Variants in MALRD1 observed in about 807,000 individuals in gnomAD.
The protein encoded by MALRD1 is MAM and LDL-receptor class A domain-containing protein 1.
A neutral mutation model predicts 242.1 loss-of-function variants in MALRD1; 247 were observed. The ratio of observed to expected loss-of-function variants is 1.02; its 90% confidence interval spans 0.92 to 1.13. The LOEUF is 1.13. MALRD1 is among the 50% of genes most tolerant of loss of function. The pLI, the probability that MALRD1 is intolerant of heterozygous loss-of-function variation, is 0.00. For missense variants in MALRD1, 2,989 were observed against 2,533.1 expected, an observed-to-expected ratio of 1.18 and a Z score of -3.86; for synonymous variants, 995 against 866.6, an observed-to-expected ratio of 1.15 and a Z score of -2.60.
At chr10:19,577,226 T>G (rs370392444) in intron 33 of MALRD1, among the ~76,000 whole-genome samples, 1 of 152,184 alleles carries the variant, frequency 6.6e-6, no homozygotes, top group South Asian at 2.1e-4. Context: ...AGGAAATGAT[T>G]ATCAGGCAAT....
intron 24 of MALRD1, among the ~76,000 whole-genome samples, chr10:19,333,525 A>G (rs1400312655): frequency 6.6e-6 from 1 of 151,910 alleles, no homozygotes; most frequent in Non-Finnish European, 1.5e-5. Flanking sequence ...TATGTAACAG[A>G]TTTTCTTTAT....
At chr10:19,323,253 T>G (rs1842978382) in intron 21 of MALRD1, among the ~76,000 whole-genome samples, 1 of 152,122 alleles carries the variant, frequency 6.6e-6, no homozygotes, top group African/African-American at 2.4e-5. Context: ...CATCTCCTAC[T>G]TATTCATGTT....
At chr10:19,525,399 T>G (rs1345856025) in intron 31 of MALRD1, among the ~76,000 whole-genome samples, 1 of 152,172 alleles carries the variant, frequency 6.6e-6, no homozygotes, top group East Asian at 1.9e-4. Flanking sequence ...CCATGAAGCA[T>G]AGTGATTGAT....
chr10:19,265,588 T>C (rs1839939354), intron 19 of MALRD1, among the ~76,000 whole-genome samples: 2 of 152,278 alleles, frequency 1.3e-5, no homozygotes, highest in Admixed American at 6.5e-5. Flanking sequence ...GAAAAGATGC[T>C]GGATATGACT....
At position 19,193,433 on chromosome 10, in the gene MALRD1, G is replaced by A. The variant is rs191484056; in HGVS notation, c.1952-10295G>A. Among the ~76,000 whole-genome samples the A allele has an allele frequency of 9.2e-4, 140 of 152,254 alleles. 1 individual carries two copies. Among genetic ancestry groups the A allele is most frequent in the Admixed American group, 7.8e-3 (120 of 15,292 alleles). On this transcript the variant is annotated intron_variant, in intron 14 of 39. Coordinates refer to ENST00000454679, the MANE Select transcript of MALRD1 (RefSeq NM_001142308.3). ...TAGCTGGGCATGGTGGCACATGCCTGTAGTCCCAGCTACTCAGAGGCTGAG... is the reference window on the plus strand; with the variant it reads ...TAGCTGGGCATGGTGGCACATGCCTATAGTCCCAGCTACTCAGAGGCTGAG...
At chr10:19,136,872 G>A in intron 10 of MALRD1, 91 bp downstream of exon 10, 1 of 865,072 alleles carries the variant, frequency 1.2e-6, no homozygotes, top group Non-Finnish European at 1.5e-6. Context: ...CAAGGCAAAG[G>A]TAAGTCATAT....
chr10:19,559,203 T>G (rs190403798), intron 32 of MALRD1, among the ~76,000 whole-genome samples: 95 of 151,794 alleles, frequency 6.3e-4, no homozygotes, highest in East Asian at 7.7e-4. Flanking sequence ...ATAATAATGA[T>G]GATAATAATA....
chr10:19,510,132 C>CGTA (rs1833330403), intron 31 of MALRD1, among the ~76,000 whole-genome samples: 1 of 152,134 alleles, frequency 6.6e-6, no homozygotes, highest in African/African-American at 2.4e-5. Context: ...TTGATGTGCA[C>CGTA]GTACGTAAAC....
intron 36 of MALRD1, among the ~76,000 whole-genome samples, chr10:19,654,366 C>T (rs1841042799): frequency 6.6e-6 from 1 of 152,106 alleles, no homozygotes; most frequent in African/African-American, 2.4e-5. Flanking sequence ...TCATTCAAGC[C>T]TGTATGTAAA....
intron 28 of MALRD1, among the ~76,000 whole-genome samples, chr10:19,412,973 G>A (rs1042764654): frequency 6.6e-6 from 1 of 151,926 alleles, no homozygotes; most frequent in Non-Finnish European, 1.5e-5. Flanking sequence ...ATTCCTATAT[G>A]ATGTATTTTA....
intron 31 of MALRD1, among the ~76,000 whole-genome samples, chr10:19,515,698 T>C (rs1833595532): frequency 6.6e-6 from 1 of 152,110 alleles, no homozygotes; most frequent in Non-Finnish European, 1.5e-5. Context: ...TAGCTGGGAC[T>C]ACAGGCACCC....
chr10:19,161,638 C>T (rs889869417), intron 12 of MALRD1, among the ~76,000 whole-genome samples: 2 of 146,560 alleles, frequency 1.4e-5, no homozygotes, highest in African/African-American at 5.1e-5. Context: ...CACTTACATG[C>T]TTTGCAGACC....
intron 36 of MALRD1, among the ~76,000 whole-genome samples, chr10:19,688,176 G>T (rs1484025958): frequency 6.6e-6 from 1 of 152,078 alleles, no homozygotes; most frequent in African/African-American, 2.4e-5. Flanking sequence ...TGCCATGTTG[G>T]CCAGGCTGGT....
intron 12 of MALRD1, 54 bp from the exon 13 acceptor site, chr10:19,165,583 T>A: frequency 8.3e-7 from 1 of 1,199,186 alleles, no homozygotes; most frequent in African/African-American, 1.6e-5. Flanking sequence ...TAGGAAAAAC[T>A]ACCAGAGACA....
chr10:19,593,093 C>T (rs781777296), intron 33 of MALRD1, among the ~76,000 whole-genome samples: 23 of 151,758 alleles, frequency 1.5e-4, no homozygotes, highest in Non-Finnish European at 2.8e-4. Context: ...TGACCATGGT[C>T]CAGTACCAGA....
intron 26 of MALRD1, among the ~76,000 whole-genome samples, chr10:19,385,406 C>T (rs4748574): frequency 0.87 from 132,988 of 152,020 alleles, 58,410 homozygotes; most frequent in African/African-American, 0.92. Flanking sequence ...GTTGTTACCA[C>T]TTCAATCTCA....
chr10:19,512,110 G>A (rs1472554893), intron 31 of MALRD1, among the ~76,000 whole-genome samples: 3 of 152,048 alleles, frequency 2.0e-5, no homozygotes, highest in African/African-American at 7.2e-5. Context: ...CTCCAGTGGG[G>A]CTCAGGGGCA....
intron 23 of MALRD1, 147 bp from the exon 24 acceptor site, chr10:19,331,222 C>G (rs1843350034): frequency 1.5e-6 from 1 of 685,524 alleles, no homozygotes; most frequent in Non-Finnish European, 2.4e-6. Context: ...GGGTCACTTT[C>G]AACATAGGGA....
chr10:19,346,948 C>A (rs894713160), intron 24 of MALRD1, among the ~76,000 whole-genome samples: 2 of 152,018 alleles, frequency 1.3e-5, no homozygotes, highest in African/African-American at 2.4e-5. Context: ...CCATGCCCAG[C>A]CTCCCTCATT....
Sources: allele counts gnomAD v4.1 joint callset (sites outside exome capture counted in the v4.1 genomes callset), GRCh38; gene constraint gnomAD v4.1.1; transcripts MANE v1.5; gene names NCBI Gene and HGNC (gene_info 2026-07-23, HGNC 2026-07-21).